The following FAM169A variants were observed in gnomAD, a reference collection of about 807,000 sequenced individuals.
The protein encoded by FAM169A is family with sequence similarity 169 member A.
A neutral mutation model predicts 75.7 loss-of-function variants in FAM169A; 24 were observed. The observed-to-expected ratio is 0.32, with a 90% CI of 0.23 to 0.45. The LOEUF (loss-of-function observed/expected upper bound fraction) is 0.45. FAM169A is among the 20% of genes least tolerant of loss of function. The probability of loss-of-function intolerance (pLI) is 1.00; values close to 1 mark genes in which losing one functional copy is unlikely to be tolerated. For missense variants in FAM169A, 673 were observed against 784.0 expected (o/e 0.86, Z 1.69); for synonymous variants, 271 against 271.0 (o/e 1.00, Z 0.00).
chr5:74,789,922 G>T (rs554702748), intron 11 of FAM169A, among the ~76,000 whole-genome samples: 20 of 152,324 alleles, frequency 1.3e-4, no homozygotes, highest in African/African-American at 4.8e-4. Flanking sequence ...CCGAATGCTT[G>T]ATTATGGGTC....
rs114595058 is a variant in FAM169A at position 74,788,992 on chromosome 5, G to A, written c.1261-5858C>T. 4.0e-3 allele frequency among the ~76,000 whole-genome samples: 606 copies of A among 152,322 alleles called. 2 individuals are homozygous for A. The highest frequency in any genetic ancestry group is 0.014 in the African/African-American group (584 of 41,562). ...TCCTGGTACCTGGTATGCAGCCAAT[G>A]ATTTGCCAAATGCCTTTTTCTCCAT... On this transcript the variant is annotated intron_variant, in intron 11 of 12. Coordinates refer to ENST00000687041, the MANE Select transcript of FAM169A (RefSeq NM_001376049.1).
chr5:74,806,262 T>C (rs1191616686), intron 6 of FAM169A, among the ~76,000 whole-genome samples: 3 of 152,050 alleles, frequency 2.0e-5, no homozygotes, highest in Admixed American at 6.6e-5. Flanking sequence ...ACACGTACAC[T>C]ACAACTTGCC....
chr5:74,795,806 TTCAAACTTTTATAAGC>T (rs1580087660), intron 11 of FAM169A, among the ~76,000 whole-genome samples: 1 of 152,236 alleles, frequency 6.6e-6, no homozygotes, highest in South Asian at 2.1e-4. Context: ...TTCGATATAA[TTCAAACTTTTATAAGC>T]TCAAACTTTT....
At chr5:74,841,741 A>C in intron 1 of FAM169A, 62 bp from the exon 2 acceptor site, 1 of 1,407,382 alleles carries the variant, frequency 7.1e-7, no homozygotes, top group South Asian at 1.5e-5. Flanking sequence ...CTTTACTCAC[A>C]GAAAATAAAT....
At chr5:74,831,995 A>T (rs991137996) in intron 5 of FAM169A, among the ~76,000 whole-genome samples, 2 of 152,154 alleles carry the variant, frequency 1.3e-5, no homozygotes, top group African/African-American at 4.8e-5. Flanking sequence ...CAAGGAAGTA[A>T]AAACTTATTT....
chr5:74,822,580 G>A (rs990976537), intron 5 of FAM169A, among the ~76,000 whole-genome samples: 1 of 152,000 alleles, frequency 6.6e-6, no homozygotes, highest in African/African-American at 2.4e-5. Context: ...GTTACTTTAG[G>A]CTGTTTTCAG....
At chr5:74,840,030 T>C in intron 3 of FAM169A, 44 bp downstream of exon 3, 1 of 1,018,728 alleles carries the variant, frequency 9.8e-7, no homozygotes, top group African/African-American at 1.6e-5. Context: ...TCTAACAGTT[T>C]GGAGAAAAAT....
rs1242186275 is a variant in FAM169A, at chr5:74,796,273, G to A, written c.1104-87C>T. ...AGTCCTTTCTTAAAGTAACATTTTA[G>A]AGAATCAACTATGTTGTCAACAACT... On this transcript the variant is annotated intron_variant, in intron 10 of 12. Coordinates refer to ENST00000687041, the MANE Select transcript of FAM169A (RefSeq NM_001376049.1). 4 of 1,220,096 alleles carry A rather than the reference G, an allele frequency of 3.3e-6. No homozygotes were observed. The East Asian group carries it at 7.4e-5, about 23-fold the overall frequency. 75.6% of individuals were successfully genotyped at this position (1,220,096 alleles called of 1,614,324 possible).
Position 74,861,622 on chromosome 5 carries a change from G to A in FAM169A, c.-4+4543C>T, listed in dbSNP as rs190205350. Among the ~76,000 whole-genome samples, 546 of 152,204 alleles carry A rather than the reference G, an allele frequency of 3.6e-3. 6 individuals carry two copies. Among genetic ancestry groups the A allele is most frequent in the African/African-American group, 0.013 (524 of 41,526 alleles). On this transcript the variant is annotated intron_variant, in intron 1 of 12. Coordinates refer to ENST00000687041, the MANE Select transcript of FAM169A (RefSeq NM_001376049.1). ...CCCAGCTACTAGGGAAGCTGAGGAA[G>A]GAGAATCACTTGAACCTAGAAGGCA...
At chr5:74,837,054 A>G (rs535028268) in intron 4 of FAM169A, among the ~76,000 whole-genome samples, 3 of 152,200 alleles carry the variant, frequency 2.0e-5, no homozygotes, top group African/African-American at 7.2e-5. Flanking sequence ...TTCCCAATCC[A>G]TATCTGGAGG....
chr5:74,784,850 C>A (rs1215571015), intron 11 of FAM169A, among the ~76,000 whole-genome samples: 2 of 135,438 alleles, frequency 1.5e-5, no homozygotes, highest in Non-Finnish European at 3.1e-5. Context: ...ACCCGGGAGG[C>A]GGAGTTTGCA....
chr5:74,781,880 AG>A lies in FAM169A; in HGVS notation c.1592del (p.Ala531ValfsTer17). The A allele has an allele frequency of 6.2e-7, 1 of 1,614,136 alleles. No individual in the cohort carries two copies. Among genetic ancestry groups the A allele is most frequent in the Non-Finnish European group, 8.5e-7 (1 of 1,179,996 alleles). Reference sequence around the variant, plus strand: ...CAGATCGTTCTTCATTTGACATAGTAGCAACATTGTCTGAACTCCCAAGATG... The same window carrying A: ...CAGATCGTTCTTCATTTGACATAGTACAACATTGTCTGAACTCCCAAGATG... ...KAHLGSSDNV[A>X]TMSNEERSDG... On this transcript the variant is annotated frameshift_variant, in exon 13 of 13. Coordinates refer to ENST00000687041, the MANE Select transcript of FAM169A (RefSeq NM_001376049.1). LOFTEE classifies it high-confidence loss of function.
chr5:74,849,474 C>T (rs1403717157), intron 1 of FAM169A, among the ~76,000 whole-genome samples: 1 of 151,996 alleles, frequency 6.6e-6, no homozygotes, highest in Non-Finnish European at 1.5e-5. Flanking sequence ...GAAGTATGTA[C>T]ACTATAGAGC....
In FAM169A at chr5:74,793,202, G is replaced by C. The variant is rs201618532; in HGVS notation, c.1260+2828C>G. On this transcript the variant is annotated intron_variant, in intron 11 of 12. Coordinates refer to ENST00000687041, the MANE Select transcript of FAM169A (RefSeq NM_001376049.1). ...TAACTGGGTGTGGTGGCATGTGCCT[G>C]TAATCCCAGCTACTTGGGAGGCTGA... is the stretch of plus-strand genomic sequence containing the variant. Among the ~76,000 whole-genome samples the C allele has an allele frequency of 9.9e-5, 15 of 152,048 alleles. No homozygotes were observed. In the East Asian group the frequency reaches 1.2e-3, roughly 12 times the overall value.
At chr5:74,787,947 A>C (rs554610908) in intron 11 of FAM169A, among the ~76,000 whole-genome samples, 2 of 152,118 alleles carry the variant, frequency 1.3e-5, no homozygotes, top group South Asian at 4.2e-4. Context: ...GACCCAGAAC[A>C]CCTTGAATGA....
intron 1 of FAM169A, among the ~76,000 whole-genome samples, chr5:74,847,806 GA>G (rs1055976462): frequency 6.6e-6 from 1 of 151,968 alleles, no homozygotes; most frequent in African/African-American, 2.4e-5. Flanking sequence ...TTTTTTAACA[GA>G]AAAAATGACT....
At chr5:74,831,836 A>G (rs369911455) in intron 5 of FAM169A, among the ~76,000 whole-genome samples, 1 of 152,146 alleles carries the variant, frequency 6.6e-6, no homozygotes, top group South Asian at 2.1e-4. Flanking sequence ...TGAACCAGCC[A>G]TCATAACTAA....
chr5:74,866,214 G>A lies in FAM169A; in HGVS notation c.-53C>T, dbSNP rs1750335181. 1 of 984,264 alleles carries A rather than the reference G, an allele frequency of 1.0e-6. No homozygotes were observed. The highest frequency in any genetic ancestry group is 1.8e-5 in the African/African-American group (1 of 57,128). The allele number at this position is 984,264 out of a possible 1,614,324, so 61.0% of individuals were successfully genotyped here. A position where few individuals can be genotyped will look rare whatever the true frequency, so the allele number is the denominator to read the frequency against. ...GGAAGAGCCCGGGAAAGGAGGCGGA[G>A]CCGCGCGAATGAATGGAGCCGGCGG... On this transcript the variant is annotated 5_prime_UTR_variant, in exon 1 of 13. Transcript: ENST00000687041.
chr5:74,813,972 G>A lies in FAM169A; in HGVS notation c.538C>T (p.Leu180Phe). Reference protein sequence around the residue: ...FLTQSYQLPVLDTMFLRKKYR... With the variant: ...FLTQSYQLPVFDTMFLRKKYR... ...TTCTTTCTTAGAAACATTGTATCAA[G>A]AACTGGCAATTGGTAACTTTGGGTA... Residue 180 changes from leucine to phenylalanine, a missense_variant, in exon 6 of 13, where the codon CTT becomes TTT. Around this residue, in one of 3 missense-constraint regions of FAM169A, gnomAD observed 107 missense variants for 180.8 expected, o/e 0.59. Coordinates refer to ENST00000687041, the MANE Select transcript of FAM169A (RefSeq NM_001376049.1). 1.2e-6 allele frequency: 2 copies of A among 1,602,564 alleles called. No homozygotes were observed. The highest frequency in any genetic ancestry group is 1.7e-6 in the Non-Finnish European group (2 of 1,176,846).
Sources: allele counts gnomAD v4.1 joint callset (sites outside exome capture counted in the v4.1 genomes callset), GRCh38; gene constraint gnomAD v4.1.1; regional missense constraint gnomAD v4.1.1; transcripts MANE v1.5; gene names NCBI Gene and HGNC (gene_info 2026-07-23, HGNC 2026-07-21).